Variants in ADAMTSL2 observed in about 807,000 individuals in gnomAD.
ADAMTSL2 encodes ADAMTS like 2, also known as ADAMTS-like protein 2.
ADAMTSL2 carries 55 observed loss-of-function variants against 117.0 expected under a neutral mutation model. The ratio of observed to expected loss-of-function variants is 0.47; its 90% CI spans 0.38 to 0.59. The LOEUF (loss-of-function observed/expected upper bound fraction) is 0.59. Ranked by LOEUF, ADAMTSL2 falls within the 20% of genes least tolerant of loss-of-function variation. The pLI, the probability that ADAMTSL2 is intolerant of heterozygous loss-of-function variation, is 0.00. For missense variants in ADAMTSL2, 1,182 were observed against 1,354.5 expected (o/e 0.87, Z 2.00); for synonymous variants, 572 against 566.4 (o/e 1.01, Z -0.14).
intron 9 of ADAMTSL2, among the ~76,000 whole-genome samples, chr9:133,553,130 G>A (rs1295289034): frequency 6.6e-6 from 1 of 152,232 alleles, no homozygotes; most frequent in African/African-American, 2.4e-5. Flanking sequence ...TCTTCAGGCA[G>A]GGGTGGCGCT....
chr9:133,574,726 GCT>G lies in ADAMTSL2; in HGVS notation c.2738-17_2738-16del, dbSNP rs1831188222. 2 of 1,608,540 alleles carry G rather than the reference GCT, an allele frequency of 1.2e-6. No individual in the cohort carries two copies. On this transcript the variant is annotated intron_variant, in intron 18 of 18. Transcript: ENST00000651351. Reference sequence around the variant, plus strand: ...CCACCTCCTGAAACTGCCCTGCTTCGCTCTGTGTTCCTTCTCCAGATGACAGC... The same window carrying G: ...CCACCTCCTGAAACTGCCCTGCTTCGCTGTGTTCCTTCTCCAGATGACAGC...
chr9:133,561,939 C>T (rs1165318734), intron 12 of ADAMTSL2, among the ~76,000 whole-genome samples: 1 of 152,158 alleles, frequency 6.6e-6, no homozygotes, highest in Non-Finnish European at 1.5e-5. Context: ...GGGGATGCCG[C>T]GAGGTCTGAT....
At chr9:133,560,629 C>T (rs1830704776) in intron 11 of ADAMTSL2, among the ~76,000 whole-genome samples, 1 of 152,270 alleles carries the variant, frequency 6.6e-6, no homozygotes, top group East Asian at 1.9e-4. Flanking sequence ...TCCGTGCAGC[C>T]ATGGCCTGCC....
chr9:133,557,336 C>T lies in ADAMTSL2; in HGVS notation c.1649+1406C>T, dbSNP rs1830624884. Among the ~76,000 whole-genome samples the T allele has an allele frequency of 1.3e-5, 2 of 152,192 alleles. No homozygotes were observed. The highest frequency in any genetic ancestry group is 6.5e-5 in the Admixed American group (1 of 15,284). ...CTGAGCACTTCTGGCAGGCTCTGGGCGGAATCCTACTTTGCAGATGTGGAC... is the reference window on the plus strand; with the variant it reads ...CTGAGCACTTCTGGCAGGCTCTGGGTGGAATCCTACTTTGCAGATGTGGAC... On this transcript the variant is annotated intron_variant, in intron 11 of 18. Coordinates refer to ENST00000651351, the MANE Select transcript of ADAMTSL2 (RefSeq NM_014694.4). This position sits in a 1 kb window ranked among gnomAD's most constrained non-coding sequence, Gnocchi z 5.2.
chr9:133,534,572 C>T (rs898789120), upstream of ADAMTSL2: 126 of 1,089,336 alleles, frequency 1.2e-4, no homozygotes, highest in Admixed American at 4.7e-4. Context: ...GGCCGGGCTC[C>T]AGAGGCGCAG....
rs1445226341 is a variant in ADAMTSL2, at chr9:133,554,519, G to A, written c.1102G>A (p.Gly368Ser). Residue 368 changes from glycine (G) to serine (S), a missense_variant, in exon 10 of 19, where the codon GGC becomes AGC. Gly to Ser is a moderately conservative substitution (Grantham distance 56). Around this residue, in one of 3 missense-constraint regions of ADAMTSL2, gnomAD observed 345 missense variants for 325.8 expected, o/e 1.06. Transcript: ENST00000651351. The surrounding 1 kb of genome is among the most constrained non-coding windows in gnomAD (Gnocchi z 5.2). ...GCTGATGGGCTTCGTCCCGCACAAC[G>A]GCTCCCTCTACGGCCAGGCCTCCTC... ...AGLMGFVPHN[G>S]SLYGQASSER... 5.2e-6 allele frequency: 8 copies of A among 1,549,834 alleles called. No homozygotes were observed. Among genetic ancestry groups the A allele is most frequent in the Admixed American group, 2.0e-5 (1 of 51,122 alleles).
Position 133,567,048 on chromosome 9 carries a change from G to A in ADAMTSL2, c.1860G>A (p.Arg620=), listed in dbSNP as rs1283246728. The A allele has an allele frequency of 1.9e-6, 3 of 1,608,856 alleles. No homozygotes were observed. The highest frequency in any genetic ancestry group is 2.5e-6 in the Non-Finnish European group (3 of 1,179,570). Residue 620 remains arginine, a synonymous_variant, in exon 13 of 19, where the codon AGG becomes AGA. Transcript: ENST00000651351. ...PEPVHEFCAG[R]ECQPRWETSS... ...CTGTCCACGAGTTCTGCGCTGGGAG[G>A]GAGTGCCAGCCCAGGTACCTGCCAC...
At chr9:133,566,872 G>T (rs1830985664) in intron 12 of ADAMTSL2, 64 bp from the exon 13 acceptor site, 2 of 1,565,886 alleles carry the variant, frequency 1.3e-6, no homozygotes, top group Non-Finnish European at 1.7e-6. Context: ...CAAGTCCTGA[G>T]GCCTGTCTGC....
intron 7 of ADAMTSL2, among the ~76,000 whole-genome samples, chr9:133,541,870 C>G (rs1830233315): frequency 6.6e-6 from 1 of 152,204 alleles, no homozygotes; most frequent in South Asian, 2.1e-4. Context: ...GGAGGGATGT[C>G]ACTTGTAATG....
At chr9:133,551,149 AT>A (rs1830472336) in intron 9 of ADAMTSL2, among the ~76,000 whole-genome samples, 1 of 152,066 alleles carries the variant, frequency 6.6e-6, no homozygotes, top group Non-Finnish European at 1.5e-5. Flanking sequence ...CATGGGGAAG[AT>A]TTTCCTTCAC....
chr9:133,565,054 A>G (rs1047494740), intron 12 of ADAMTSL2, among the ~76,000 whole-genome samples: 8 of 152,262 alleles, frequency 5.3e-5, no homozygotes, highest in African/African-American at 1.9e-4. Flanking sequence ...GGCTCAGGTC[A>G]TAGGTGGAAG....
At chr9:133,544,798 G>A (rs901403914) in intron 8 of ADAMTSL2, among the ~76,000 whole-genome samples, 8 of 152,142 alleles carry the variant, frequency 5.3e-5, no homozygotes, top group Non-Finnish European at 1.2e-4. Context: ...ACAATGGGAG[G>A]GTGGTGATGT....
intron 12 of ADAMTSL2, among the ~76,000 whole-genome samples, chr9:133,564,603 AGAGG>A (rs755666490): frequency 0.14 from 8,338 of 59,396 alleles, 1,121 homozygotes; most frequent in African/African-American, 0.19. Context: ...AGGGGGAGAG[AGAGG>A]GAGAGAGAGA....
chr9:133,539,843 C>G lies in ADAMTSL2; in HGVS notation c.382C>G (p.Arg128Gly). ...CTTCAACTCCCACGTGTACAACGGG[C>G]GGACGCACCAGTGGAAGCCTCTGTA... ...VSFNSHVYNG[R>G]THQWKPLYPD... is the part of the protein sequence containing the mutation. The change falls in exon 5 of 19, where the codon CGG (arginine) becomes GGG (glycine). Residue 128 changes from arginine (R) to glycine (G), a missense_variant. Physicochemically the swap from Arg to Gly is moderately radical, Grantham distance 125 (BLOSUM62 -2). Around this residue, in one of 3 missense-constraint regions of ADAMTSL2, gnomAD observed 372 missense variants for 463.4 expected, o/e 0.80. Coordinates refer to ENST00000651351, the MANE Select transcript of ADAMTSL2 (RefSeq NM_014694.4). 6.4e-7 allele frequency: 1 copy of G among 1,551,000 alleles called. No homozygotes were observed. Among genetic ancestry groups the G allele is most frequent in the Non-Finnish European group, 8.7e-7 (1 of 1,146,994 alleles).
At chr9:133,544,362 G>A in intron 7 of ADAMTSL2, 108 bp from the exon 8 acceptor site, 1 of 951,904 alleles carries the variant, frequency 1.1e-6, no homozygotes. Flanking sequence ...GGTTGGGCCA[G>A]CCCTTAGACA....
At chr9:133,563,822 AGAGAGAGAGAGAGAGAGAGAGG>A (rs1830808900) in intron 12 of ADAMTSL2, among the ~76,000 whole-genome samples, 2 of 38,434 alleles carry the variant, frequency 5.2e-5, no homozygotes, top group South Asian at 6.4e-4. Context: ...AAAGGGGGAG[AGAGAGAGAGAGAGAGAGAGAGG>A]GAGAGAGAGA....
intron 17 of ADAMTSL2, among the ~76,000 whole-genome samples, chr9:133,571,408 C>T (rs1036866791): frequency 2.6e-5 from 4 of 152,170 alleles, no homozygotes; most frequent in Non-Finnish European, 2.9e-5. Context: ...CAGGGAGCCC[C>T]GAGGTGGGTG....
intron 1 of ADAMTSL2, 105 bp downstream of exon 1, chr9:133,535,022 G>A: frequency 1.5e-6 from 2 of 1,295,680 alleles, no homozygotes; most frequent in Non-Finnish European, 2.0e-6. Context: ...CTCTGGAGCC[G>A]TTACATAACG....
intron 4 of ADAMTSL2, among the ~76,000 whole-genome samples, chr9:133,538,814 G>A (rs1858839): frequency 7.2e-5 from 11 of 151,930 alleles, no homozygotes; most frequent in African/African-American, 2.7e-4. Flanking sequence ...TACCCCCCAC[G>A]CCATAAAACA....
Sources: gnomAD v4.1 joint callset for allele counts (sites outside exome capture counted in the v4.1 genomes callset) on GRCh38, gnomAD v4.1.1 for gene constraint, gnomAD v4.1.1 regional missense constraint, Gnocchi (gnomAD v3.1) non-coding constraint, MANE v1.5 for transcripts, NCBI Gene and HGNC (gene_info 2026-07-23, HGNC 2026-07-21) for gene names.